The following BRINP2 variants were observed in gnomAD, a reference collection of about 807,000 sequenced individuals.
BRINP2 encodes the protein BMP/retinoic acid inducible neural specific 2, also known as BMP/retinoic acid-inducible neural-specific protein 2.
BRINP2 carries 21 observed loss-of-function variants against 69.2 expected under a neutral mutation model. That is an observed-to-expected ratio of 0.30 (90% CI 0.22 to 0.44). BRINP2 has a LOEUF of 0.44. BRINP2 is among the 20% of genes least tolerant of loss of function. BRINP2 has a pLI of 1.00. For synonymous variants in BRINP2, 380 were observed against 394.1 expected (o/e 0.96, Z 0.42); for missense variants, 877 against 986.0 (o/e 0.89, Z 1.48).
At chr1:177,177,694 G>T (rs1190936766) in intron 1 of BRINP2, among the ~76,000 whole-genome samples, 1 of 152,058 alleles carries the variant, frequency 6.6e-6, no homozygotes, top group Non-Finnish European at 1.5e-5. Flanking sequence ...GTAAAAGGGG[G>T]ATTATTACCT....
chr1:177,273,699 C>A, intron 5 of BRINP2, 106 bp downstream of exon 5: 1 of 649,228 alleles, frequency 1.5e-6, no homozygotes, highest in Admixed American at 3.4e-5. Context: ...TTTGATCAAA[C>A]CTTTCTTAAG....
chr1:177,255,294 AATGTT>A (rs941850723), intron 2 of BRINP2, among the ~76,000 whole-genome samples: 115 of 152,356 alleles, frequency 7.5e-4, no homozygotes, highest in African/African-American at 2.7e-3. Flanking sequence ...TTGTCATGAA[AATGTT>A]ATGTTATATG....
At chr1:177,171,876 C>T (rs1647944149) in intron 1 of BRINP2, 144 bp downstream of exon 1, 2 of 152,232 alleles carry the variant, frequency 1.3e-5, no homozygotes, top group African/African-American at 2.4e-5. Flanking sequence ...GATGCCACCT[C>T]TCCTAGTTTC....
chr1:177,250,747 C>G (rs1300865120), intron 2 of BRINP2, among the ~76,000 whole-genome samples: 3 of 152,210 alleles, frequency 2.0e-5, no homozygotes, highest in Non-Finnish European at 4.4e-5. Flanking sequence ...ACTTCTACTC[C>G]ATAGCACAGT....
At chr1:177,260,149 G>A (rs1650899311) in intron 4 of BRINP2, among the ~76,000 whole-genome samples, 1 of 152,186 alleles carries the variant, frequency 6.6e-6, no homozygotes, top group Admixed American at 6.5e-5. Context: ...TGGAGAAGTT[G>A]ATTCCAACCC....
chr1:177,273,584 C>A lies in BRINP2; in HGVS notation c.766C>A (p.Gln256Lys). The change falls in exon 5 of 8, where the codon CAG (glutamine) becomes AAG (lysine). Residue 256 changes from glutamine (Q) to lysine (K), a missense_variant. Physicochemically the swap from Gln to Lys is moderately conservative, Grantham distance 53. Coordinates refer to ENST00000361539, the MANE Select transcript of BRINP2 (RefSeq NM_021165.4). ...GGTACAGAGTCCAGAGAACAAAGTA[C>A]AGTTACTTGGTAAGCAGCACTATGA... is the stretch of plus-strand genomic sequence containing the variant. The part of the protein sequence containing the change: ...VLVQSPENKV[Q>K]LLGLQVLLPE... The A allele has an allele frequency of 6.3e-7, 1 of 1,581,060 alleles. No individual in the cohort carries two copies. The highest frequency in any genetic ancestry group is 1.2e-5 in the South Asian group (1 of 86,804).
At position 177,280,396 on chromosome 1, in the gene BRINP2, A is replaced by G. The variant is rs753196685; in HGVS notation, c.1236-16A>G. The G allele has an allele frequency of 1.3e-6, 2 of 1,568,910 alleles. No individual in the cohort carries two copies. Among genetic ancestry groups the G allele is most frequent in the Middle Eastern group, 1.7e-4 (1 of 5,814 alleles). ...CTTCTTTTGACTCTTACTTCATTTT[A>G]TCTCTGCTCCCCAAGGTCCTTGTCC... On this transcript the variant is annotated splice_polypyrimidine_tract_variant and intron_variant, in intron 7 of 7. Transcript: ENST00000361539.
intron 1 of BRINP2, among the ~76,000 whole-genome samples, chr1:177,224,399 C>T (rs1239435716): frequency 3.3e-5 from 5 of 152,166 alleles, no homozygotes; most frequent in African/African-American, 9.7e-5. Context: ...ACAGAGCTTC[C>T]TTCCAAAGAA....
At chr1:177,200,768 A>C (rs1648887131) in intron 1 of BRINP2, among the ~76,000 whole-genome samples, 1 of 152,102 alleles carries the variant, frequency 6.6e-6, no homozygotes, top group South Asian at 2.1e-4. Context: ...TTGTATGTTT[A>C]CTGTGTATAC....
chr1:177,254,766 A>G (rs958396314), intron 2 of BRINP2, among the ~76,000 whole-genome samples: 1 of 152,190 alleles, frequency 6.6e-6, no homozygotes, highest in Non-Finnish European at 1.5e-5. Flanking sequence ...AATAAAATTT[A>G]AGCTTTTAAA....
intron 1 of BRINP2, among the ~76,000 whole-genome samples, chr1:177,225,945 A>G (rs1477735599): frequency 6.6e-6 from 1 of 152,248 alleles, no homozygotes; most frequent in Non-Finnish European, 1.5e-5. Context: ...TGCTGTGCTC[A>G]GCAGACTTGG....
chr1:177,187,522 G>T (rs1193407760), intron 1 of BRINP2, among the ~76,000 whole-genome samples: 1 of 152,128 alleles, frequency 6.6e-6, no homozygotes, highest in East Asian at 1.9e-4. Context: ...CTGTGCACAG[G>T]GTCAGGCATG....
chr1:177,231,568 T>C (rs1259659102), intron 2 of BRINP2, among the ~76,000 whole-genome samples: 1 of 152,226 alleles, frequency 6.6e-6, no homozygotes, highest in Non-Finnish European at 1.5e-5. Context: ...TCAGAGATAT[T>C]TGAGGGGCTG....
chr1:177,269,217 C>T lies in BRINP2; in HGVS notation c.670-4271C>T, dbSNP rs540498187. 2.0e-5 allele frequency among the ~76,000 whole-genome samples: 3 copies of T among 152,332 alleles called. No homozygotes were observed. In the East Asian group the frequency reaches 5.8e-4, roughly 29 times the overall value. On this transcript the variant is annotated intron_variant, in intron 4 of 7. Coordinates refer to ENST00000361539, the MANE Select transcript of BRINP2 (RefSeq NM_021165.4). ...CCATCCCTTCTGATGAGTTAATGTG[C>T]TTCTGTTCTACCTGCTGATAAATAC...
intron 2 of BRINP2, among the ~76,000 whole-genome samples, chr1:177,245,934 T>C (rs1220248895): frequency 2.0e-5 from 3 of 152,182 alleles, no homozygotes; most frequent in Non-Finnish European, 1.5e-5. Context: ...AGCTGCAGCT[T>C]GATTTTAATT....
At chr1:177,271,004 AC>A (rs1286918239) in intron 4 of BRINP2, among the ~76,000 whole-genome samples, 1 of 152,216 alleles carries the variant, frequency 6.6e-6, no homozygotes, top group Non-Finnish European at 1.5e-5. Context: ...ACCTGTGTCC[AC>A]ATGTGGAGGG....
Position 177,230,008 on chromosome 1 carries a change from G to C in BRINP2, c.132G>C (p.Glu44Asp), listed in dbSNP as rs777303846. The C allele has an allele frequency of 6.2e-7, 1 of 1,613,612 alleles. No homozygotes were observed. The highest frequency in any genetic ancestry group is 1.7e-5 in the Admixed American group (1 of 60,020). Reference protein sequence around the residue: ...VSATAAAVVPEQHASVAGQHP... With the variant: ...VSATAAAVVPDQHASVAGQHP... ...CCACGGCGGCTGCTGTGGTCCCCGA[G>C]CAGCATGCCTCCGTAGCTGGCCAGC... The change falls in exon 2 of 8, where the codon GAG (glutamate) becomes GAC (aspartate). Residue 44 changes from glutamate to aspartate, a missense_variant. Glu to Asp is a conservative substitution (Grantham distance 45). Coordinates refer to ENST00000361539, the MANE Select transcript of BRINP2 (RefSeq NM_021165.4).
chr1:177,211,961 G>T (rs1045125403), intron 1 of BRINP2, among the ~76,000 whole-genome samples: 5 of 152,032 alleles, frequency 3.3e-5, no homozygotes, highest in African/African-American at 1.2e-4. Flanking sequence ...TGTATTAGTT[G>T]ACATTATATT....
intron 2 of BRINP2, among the ~76,000 whole-genome samples, chr1:177,245,932 C>G (rs1330593145): frequency 6.6e-6 from 1 of 152,100 alleles, no homozygotes; most frequent in Non-Finnish European, 1.5e-5. Flanking sequence ...AAAGCTGCAG[C>G]TTGATTTTAA....
Sources: allele counts gnomAD v4.1 joint callset (sites outside exome capture counted in the v4.1 genomes callset), GRCh38; gene constraint gnomAD v4.1.1; transcripts MANE v1.5; gene names NCBI Gene and HGNC (gene_info 2026-07-23, HGNC 2026-07-21).